The following ASTN2 variants were observed in gnomAD, a reference collection of about 807,000 sequenced individuals.
ASTN2 encodes the protein astrotactin 2, also known as astrotactin-2.
In ASTN2, 54 loss-of-function variants were observed where a neutral mutation model predicts 139.8. That is an observed-to-expected ratio of 0.39 (90% CI 0.31 to 0.48). The LOEUF (loss-of-function observed/expected upper bound fraction) is 0.48, where lower values mean the gene tolerates loss of function less well. Ranked by LOEUF, ASTN2 falls within the 20% of genes least tolerant of loss-of-function variation. The pLI is 0.95. For synonymous variants in ASTN2, 756 were observed against 719.5 expected, an observed-to-expected ratio of 1.05 and a Z score of -0.81; for missense variants, 1,565 against 1,725.1, an observed-to-expected ratio of 0.91 and a Z score of 1.64.
At chr9:116,889,292 A>T (rs971157975) in intron 10 of ASTN2, among the ~76,000 whole-genome samples, 2 of 152,154 alleles carry the variant, frequency 1.3e-5, no homozygotes, top group African/African-American at 4.8e-5. Context: ...ATCTCTCTGG[A>T]TATGTGGATG....
In ASTN2 at chr9:116,905,852, GTTT is replaced by G. The variant is rs1164737372; in HGVS notation, c.1890-42122_1890-42120del. ...GGAAGCACAGCAGTAAGTGATCCCT[GTTT>G]TTTTTTTTTTTGGGGGGGGGTGCGG... On this transcript the variant is annotated intron_variant, in intron 10 of 22. Coordinates refer to ENST00000313400, the MANE Select transcript of ASTN2 (RefSeq NM_001365068.1). 4.0e-3 allele frequency among the ~76,000 whole-genome samples: 189 copies of G among 47,266 alleles called. 2 individuals carry two copies. Among genetic ancestry groups the G allele is most frequent in the African/African-American group, 0.015 (185 of 12,640 alleles). 31.0% of individuals were successfully genotyped at this position (47,266 alleles called of 152,430 possible).
intron 17 of ASTN2, among the ~76,000 whole-genome samples, chr9:116,623,168 T>C (rs1412384440): frequency 1.3e-5 from 1 of 77,506 alleles, no homozygotes; most frequent in African/African-American, 3.4e-5. Flanking sequence ...TGTGTGTGTG[T>C]GTGTGTGTGT....
intron 4 of ASTN2, among the ~76,000 whole-genome samples, chr9:117,104,173 T>C (rs1458903507): frequency 6.6e-6 from 1 of 152,206 alleles, no homozygotes; most frequent in Non-Finnish European, 1.5e-5. Flanking sequence ...TAAAATGGAT[T>C]TTTATGGTGA....
chr9:117,022,433 A>T (rs1449215982), intron 6 of ASTN2, among the ~76,000 whole-genome samples: 1 of 142,806 alleles, frequency 7.0e-6, no homozygotes, highest in Non-Finnish European at 1.5e-5. Flanking sequence ...CATGTACAGT[A>T]TCCCAGGGCA....
intron 22 of ASTN2, among the ~76,000 whole-genome samples, chr9:116,437,031 G>A (rs554848803): frequency 2.5e-4 from 37 of 148,902 alleles, no homozygotes; most frequent in African/African-American, 7.7e-4. Flanking sequence ...GACACAGGAA[G>A]GGGAACATCA....
At chr9:117,134,765 G>A (rs546351738) in intron 4 of ASTN2, among the ~76,000 whole-genome samples, 1 of 152,068 alleles carries the variant, frequency 6.6e-6, no homozygotes. Context: ...ATCCATTGTG[G>A]TGCAGATACG....
intron 1 of ASTN2, among the ~76,000 whole-genome samples, chr9:117,318,138 T>C (rs1828206204): frequency 6.6e-6 from 1 of 152,096 alleles, no homozygotes; most frequent in Non-Finnish European, 1.5e-5. Flanking sequence ...GAGATAAAGG[T>C]GTGCTTTCTG....
intron 10 of ASTN2, among the ~76,000 whole-genome samples, chr9:116,915,962 G>C (rs563479109): frequency 1.9e-4 from 29 of 152,292 alleles, no homozygotes; most frequent in African/African-American, 6.7e-4. Flanking sequence ...GAGGATACTT[G>C]TGTCAGGTGT....
chr9:116,790,819 C>T (rs971917166), intron 13 of ASTN2, among the ~76,000 whole-genome samples: 1 of 151,248 alleles, frequency 6.6e-6, no homozygotes, highest in Admixed American at 6.6e-5. Context: ...GGATTACAGG[C>T]ATGCGCCACC....
chr9:117,152,387 T>C (rs1306500402), intron 3 of ASTN2, among the ~76,000 whole-genome samples: 3 of 152,136 alleles, frequency 2.0e-5, no homozygotes, highest in Admixed American at 2.0e-4. Flanking sequence ...CCTGTAACAT[T>C]CAGGGTTTTC....
intron 13 of ASTN2, among the ~76,000 whole-genome samples, chr9:116,761,164 C>T (rs1379662895): frequency 6.6e-6 from 1 of 152,224 alleles, no homozygotes; most frequent in African/African-American, 2.4e-5. Context: ...GCACCTGCAT[C>T]GATCCCTCTG....
intron 5 of ASTN2, among the ~76,000 whole-genome samples, chr9:117,079,083 C>T (rs1199604352): frequency 1.3e-5 from 2 of 152,192 alleles, no homozygotes; most frequent in African/African-American, 2.4e-5. Flanking sequence ...TGGTCGGGTG[C>T]AGTGAATCAC....
chr9:116,602,127 G>C (rs922484449), intron 19 of ASTN2, among the ~76,000 whole-genome samples: 1 of 152,170 alleles, frequency 6.6e-6, no homozygotes, highest in African/African-American at 2.4e-5. Flanking sequence ...ACCCAAAAAT[G>C]TCACTGGATT....
In ASTN2 at chr9:117,144,554, A is replaced by G. The variant is rs115076378; in HGVS notation, c.1016-3076T>C. ...AATGATTGATAAGGGAAAAGGAGGG[A>G]TTAAGGATGACTCCTGGGTCTCCTG... On this transcript the variant is annotated intron_variant, in intron 3 of 22. Coordinates refer to ENST00000313400, the MANE Select transcript of ASTN2 (RefSeq NM_001365068.1). Among the ~76,000 whole-genome samples, 660 of 150,752 alleles carry G rather than the reference A, an allele frequency of 4.4e-3. 4 individuals are homozygous for G. The highest frequency in any genetic ancestry group is 0.015 in the African/African-American group (616 of 40,914).
In ASTN2 at chr9:116,531,803, G is replaced by A. The variant is rs577165092; in HGVS notation, c.3356-44303C>T. 4.6e-5 allele frequency among the ~76,000 whole-genome samples: 7 copies of A among 152,240 alleles called. No individual in the cohort carries two copies. In the South Asian group the frequency reaches 1.5e-3, roughly 32 times the overall value. On this transcript the variant is annotated intron_variant, in intron 19 of 22. Transcript: ENST00000313400. Reference sequence around the variant, plus strand: ...GGGTTGGTTCCAAGTCTTTGCTATTGTAAATAGTGCCGCAGAAAACATACG... The same window carrying A: ...GGGTTGGTTCCAAGTCTTTGCTATTATAAATAGTGCCGCAGAAAACATACG...
chr9:116,704,949 AT>A (rs559649408), intron 16 of ASTN2, among the ~76,000 whole-genome samples: 3 of 152,182 alleles, frequency 2.0e-5, no homozygotes, highest in East Asian at 1.9e-4. Flanking sequence ...TAGAGATGAA[AT>A]TTTTTTTAAA....
At chr9:117,102,219 C>T (rs138854055) in intron 4 of ASTN2, among the ~76,000 whole-genome samples, 2 of 152,290 alleles carry the variant, frequency 1.3e-5, no homozygotes, top group South Asian at 2.1e-4. Context: ...AATACTGATA[C>T]ATGCTACAAT....
At chr9:116,929,569 C>T (rs1300692912) in intron 10 of ASTN2, among the ~76,000 whole-genome samples, 2 of 152,152 alleles carry the variant, frequency 1.3e-5, no homozygotes, top group Non-Finnish European at 2.9e-5. Context: ...ACGTATCTCT[C>T]CCTAACCTGG....
chr9:116,964,254 T>TGCGCGCGCGC (rs1418888226), intron 10 of ASTN2, among the ~76,000 whole-genome samples: 8 of 128,948 alleles, frequency 6.2e-5, no homozygotes, highest in African/African-American at 2.6e-4. Flanking sequence ...TGTGTGTGTG[T>TGCGCGCGCGC]GTGCGCGCGC....
Sources: allele counts gnomAD v4.1 joint callset (sites outside exome capture counted in the v4.1 genomes callset), GRCh38; gene constraint gnomAD v4.1.1; transcripts MANE v1.5; gene names NCBI Gene and HGNC (gene_info 2026-07-23, HGNC 2026-07-21).